MAGI2: variants seen among roughly 807,000 people sequenced by gnomAD.
MAGI2 encodes the protein membrane-associated guanylate kinase, WW and PDZ domain-containing protein 2.
A neutral mutation model predicts 133.3 loss-of-function variants in MAGI2; 35 were observed. That is an observed-to-expected ratio of 0.26 (90% CI 0.20 to 0.35). The LOEUF is 0.35. Ranked by LOEUF, MAGI2 falls within the 10% of genes least tolerant of loss-of-function variation. The pLI, the probability that MAGI2 is intolerant of heterozygous loss-of-function variation, is 1.00. For synonymous variants in MAGI2, 729 were observed against 710.6 expected (o/e 1.03, Z -0.41); for missense variants, 1,636 against 1,863.4 (o/e 0.88, Z 2.25).
intron 2 of MAGI2, among the ~76,000 whole-genome samples, chr7:78,725,426 A>G (rs893984414): frequency 1.9e-4 from 29 of 152,240 alleles, no homozygotes; most frequent in African/African-American, 6.3e-4. Context: ...TCCCCATCAC[A>G]GCACTGAAAA....
intron 1 of MAGI2, among the ~76,000 whole-genome samples, chr7:79,376,640 G>C (rs1334204157): frequency 6.6e-6 from 1 of 151,868 alleles, no homozygotes; most frequent in Non-Finnish European, 1.5e-5. Context: ...CCACAACCTA[G>C]GTGGAACAGA....
intron 2 of MAGI2, among the ~76,000 whole-genome samples, chr7:78,664,978 T>C (rs1313369626): frequency 6.6e-6 from 1 of 152,070 alleles, no homozygotes; most frequent in Non-Finnish European, 1.5e-5. Context: ...CCATGTGAAT[T>C]TCTCTGAGGC....
At chr7:78,318,613 C>G (rs921709429) in intron 9 of MAGI2, among the ~76,000 whole-genome samples, 2 of 152,234 alleles carry the variant, frequency 1.3e-5, no homozygotes, top group Non-Finnish European at 2.9e-5. Context: ...TCAGGAAATA[C>G]AGACAATGCC....
chr7:79,339,433 G>A (rs1016454495), intron 1 of MAGI2, among the ~76,000 whole-genome samples: 2 of 149,080 alleles, frequency 1.3e-5, no homozygotes, highest in Non-Finnish European at 1.5e-5. Context: ...TTCTACATAT[G>A]GTAGTTACAG....
intron 2 of MAGI2, among the ~76,000 whole-genome samples, chr7:78,813,033 C>T (rs1789211999): frequency 6.6e-6 from 1 of 152,116 alleles, no homozygotes; most frequent in Non-Finnish European, 1.5e-5. Flanking sequence ...TGCAGCTATA[C>T]AACTTAGACA....
At chr7:78,084,937 G>A (rs142990907) in intron 20 of MAGI2, among the ~76,000 whole-genome samples, 17 of 152,162 alleles carry the variant, frequency 1.1e-4, no homozygotes, top group Non-Finnish European at 2.2e-4. Context: ...GGGTTACACT[G>A]AATGTTTTCA....
chr7:79,159,334 T>C (rs1268924154), intron 1 of MAGI2, among the ~76,000 whole-genome samples: 1 of 151,860 alleles, frequency 6.6e-6, no homozygotes, highest in Non-Finnish European at 1.5e-5. Flanking sequence ...GCCAACATGG[T>C]GAAACCTTGT....
chr7:78,346,058 T>G lies in MAGI2; in HGVS notation c.1104-15A>C. The stretch of plus-strand genomic sequence containing the variant: ...TATTTATGTGGCTAAAAAAGAAAAT[T>G]TCAGATTAGGATAACCGTGGGGCAA... On this transcript the variant is annotated splice_polypyrimidine_tract_variant and intron_variant, in intron 7 of 21. Transcript: ENST00000354212. 2.5e-6 allele frequency: 4 copies of G among 1,613,678 alleles called. No homozygotes were observed. The highest frequency in any genetic ancestry group is 3.4e-6 in the Non-Finnish European group (4 of 1,179,896).
chr7:78,656,493 CAG>C (rs1373697851), intron 2 of MAGI2, among the ~76,000 whole-genome samples: 1 of 151,966 alleles, frequency 6.6e-6, no homozygotes, highest in Admixed American at 6.6e-5. Flanking sequence ...TACACAGAAA[CAG>C]AGAGTAGAAC....
intron 2 of MAGI2, among the ~76,000 whole-genome samples, chr7:78,906,949 T>C (rs771912827): frequency 6.6e-6 from 1 of 152,170 alleles, no homozygotes. Flanking sequence ...CAGGGCTGAG[T>C]GTTGTTACTA....
intron 3 of MAGI2, among the ~76,000 whole-genome samples, chr7:78,540,466 C>T (rs1444084276): frequency 1.3e-5 from 2 of 152,264 alleles, no homozygotes; most frequent in Middle Eastern, 3.4e-3. Context: ...TCCAGTCAGC[C>T]GGTGAGCAGG....
At position 78,489,832 on chromosome 7, in the gene MAGI2, G is replaced by C; in HGVS notation, c.974C>G (p.Thr325Arg). Residue 325 changes from threonine to arginine, a missense_variant, in exon 6 of 22, where the codon ACA becomes AGA. By Grantham distance (71) the Thr-to-Arg change is moderately conservative (BLOSUM62 -1). Transcript: ENST00000354212. ...TGGATCCAGCCATGATGTTGTCTTT[G>C]TGTTATGGCTGAAAAGAAAAGAGAT... ...KGEVYFIDHN[T>R]KTTSWLDPRL... 1 of 1,611,944 alleles carries C rather than the reference G, an allele frequency of 6.2e-7. No individual in the cohort carries two copies. The highest frequency in any genetic ancestry group is 1.7e-4 in the Middle Eastern group (1 of 6,048).
chr7:78,329,961 A>C (rs535954015), intron 9 of MAGI2, among the ~76,000 whole-genome samples: 2 of 152,276 alleles, frequency 1.3e-5, no homozygotes, highest in East Asian at 3.9e-4. Flanking sequence ...GATTTAAAGA[A>C]GCAAGAGGTG....
At chr7:78,569,140 A>C (rs1475492498) in intron 3 of MAGI2, among the ~76,000 whole-genome samples, 1 of 150,604 alleles carries the variant, frequency 6.6e-6, no homozygotes, top group African/African-American at 2.4e-5. Context: ...ACACACACAC[A>C]CACACACGTC....
chr7:79,439,395 C>T (rs923952954), intron 1 of MAGI2, among the ~76,000 whole-genome samples: 2 of 152,044 alleles, frequency 1.3e-5, no homozygotes, highest in South Asian at 2.1e-4. Context: ...CATAAGGAAG[C>T]GATAGCCATA....
intron 2 of MAGI2, among the ~76,000 whole-genome samples, chr7:78,869,753 A>G (rs1794872831): frequency 6.6e-6 from 1 of 152,198 alleles, no homozygotes; most frequent in African/African-American, 2.4e-5. Context: ...ATCTGCTCCT[A>G]TAATCCGATC....
At chr7:78,068,407 A>G (rs1020984299) in intron 21 of MAGI2, among the ~76,000 whole-genome samples, 1 of 152,002 alleles carries the variant, frequency 6.6e-6, no homozygotes, top group African/African-American at 2.4e-5. Context: ...CAACACTAAG[A>G]CTGAACCCTA....
At chr7:79,275,046 G>A (rs1420464458) in intron 1 of MAGI2, among the ~76,000 whole-genome samples, 4 of 152,036 alleles carry the variant, frequency 2.6e-5, no homozygotes, top group Admixed American at 2.0e-4. Flanking sequence ...TGATGACACT[G>A]AAATTAGGAC....
intron 1 of MAGI2, among the ~76,000 whole-genome samples, chr7:79,376,175 G>A (rs1460985122): frequency 6.6e-6 from 1 of 151,764 alleles, no homozygotes; most frequent in African/African-American, 2.4e-5. Context: ...GCTCCCCAGT[G>A]ACCACCTGAA....
Sources: gnomAD v4.1 joint callset for allele counts (sites outside exome capture counted in the v4.1 genomes callset) on GRCh38, gnomAD v4.1.1 for gene constraint, MANE v1.5 for transcripts, NCBI Gene and HGNC (gene_info 2026-07-23, HGNC 2026-07-21) for gene names.